Variants in SLC46A1 observed in about 807,000 individuals in gnomAD.
SLC46A1 encodes solute carrier family 46 member 1, also known as proton-coupled folate transporter.
SLC46A1 carries 17 observed loss-of-function variants against 32.1 expected under a neutral mutation model. The ratio of observed to expected loss-of-function variants is 0.53; its 90% confidence interval spans 0.36 to 0.79. The LOEUF (loss-of-function observed/expected upper bound fraction) is 0.79. Ranked by LOEUF, SLC46A1 falls within the 30% of genes least tolerant of loss-of-function variation. SLC46A1 has a pLI of 0.00. For synonymous variants in SLC46A1, 240 were observed against 262.7 expected (o/e 0.91, Z 0.84); for missense variants, 517 against 588.2 (o/e 0.88, Z 1.25).
Position 28,405,353 on chromosome 17 carries a change from G to A in SLC46A1, c.344C>T (p.Pro115Leu), listed in dbSNP as rs976094600. 4.4e-6 allele frequency: 7 copies of A among 1,586,852 alleles called. No homozygotes were observed. The highest frequency in any genetic ancestry group is 3.6e-5 in the Admixed American group (2 of 55,608). ...GCCCAGCGAGGCCAGCACTAGCAGC[G>A]GGCGGCGGCCCACACTGTCGCTCCA... ...GAWSDSVGRR[P>L]LLVLASLGLL... Residue 115 changes from proline (P) to leucine (L), a missense_variant, in exon 2 of 5, where the codon CCG (proline) becomes CTG (leucine). Physicochemically the swap from Pro to Leu is moderately conservative, Grantham distance 98. Coordinates refer to ENST00000612814, the MANE Select transcript of SLC46A1 (RefSeq NM_080669.6).
chr17:28,396,888 G>A lies in SLC46A1; in HGVS notation c.*2768C>T, dbSNP rs536990699. 2 of 152,616 alleles carry A rather than the reference G, an allele frequency of 1.3e-5. No homozygotes were observed. Among genetic ancestry groups the A allele is most frequent in the South Asian group, 4.1e-4 (2 of 4,838 alleles). 9.5% of individuals were successfully genotyped at this position (152,616 alleles called of 1,614,324 possible). On this transcript the variant is annotated 3_prime_UTR_variant, in exon 5 of 5. Coordinates refer to ENST00000612814, the MANE Select transcript of SLC46A1 (RefSeq NM_080669.6). The stretch of plus-strand genomic sequence containing the variant: ...ATCCCCTACAGCTTCCTTCGGTGTG[G>A]TATCTTTTGCCACATCCAGGGCGAG...
At chr17:28,404,521 C>T in intron 2 of SLC46A1, 95 bp downstream of exon 2, 28 of 1,492,850 alleles carry the variant, frequency 1.9e-5, no homozygotes, top group Non-Finnish European at 2.6e-5. Flanking sequence ...TCCAAAGACA[C>T]AGGAATGAAC....
Position 28,396,395 on chromosome 17 carries a change from T to A in SLC46A1, c.*3261A>T, listed in dbSNP as rs2068124246. The A allele has an allele frequency of 2.2e-6, 3 of 1,351,034 alleles. No homozygotes were observed. Among genetic ancestry groups the A allele is most frequent in the Admixed American group, 3.7e-5 (2 of 53,738 alleles). 83.7% of individuals were successfully genotyped at this position (1,351,034 alleles called of 1,614,324 possible). A position where few individuals can be genotyped will look rare whatever the true frequency, so the allele number is the denominator to read the frequency against. ...GGGCTGAGACAACCTGGGCTCTTCT[T>A]AGGAAATGGCTCTCCCTCCCCCTGT... On this transcript the variant is annotated 3_prime_UTR_variant, in exon 5 of 5. Transcript: ENST00000612814.
At chr17:28,401,022 C>T (rs190939546) in intron 3 of SLC46A1, 2 of 441,602 alleles carry the variant, frequency 4.5e-6, no homozygotes, top group Non-Finnish European at 7.8e-6. Context: ...TCTGACAGAA[C>T]CCAGCACATA....
Position 28,399,645 on chromosome 17 carries a change from G to A in SLC46A1, c.*11C>T, listed in dbSNP as rs782615925. On this transcript the variant is annotated 3_prime_UTR_variant, in exon 5 of 5. Transcript: ENST00000612814. The stretch of plus-strand genomic sequence containing the variant: ...TGCTCCTCTTGCCCTCTGTCTTCTG[G>A]TCCAGGCAGATCAGGGGCTCTGGGG... 1.6e-5 allele frequency: 26 copies of A among 1,613,938 alleles called. No homozygotes were observed. In the East Asian group the frequency reaches 4.9e-4, roughly 30 times the overall value.
chr17:28,396,314 T>G lies in SLC46A1; in HGVS notation c.*3342A>C. On this transcript the variant is annotated 3_prime_UTR_variant, in exon 5 of 5. Transcript: ENST00000612814. ...AGTCCCCAGTTCCCCAGCCCTGCTG[T>G]GACTTCCATTTCCATCGTCCTTTCT... 2 of 1,612,050 alleles carry G rather than the reference T, an allele frequency of 1.2e-6. No individual in the cohort carries two copies. Among genetic ancestry groups the G allele is most frequent in the Non-Finnish European group, 1.7e-6 (2 of 1,178,648 alleles).
Position 28,405,283 on chromosome 17 carries a change from C to A in SLC46A1, c.414G>T (p.Gln138His). 1 of 1,587,490 alleles carries A rather than the reference C, an allele frequency of 6.3e-7. No individual in the cohort carries two copies. The change falls in exon 2 of 5, where the codon CAG (glutamine) becomes CAT (histidine). Residue 138 changes from glutamine to histidine, a missense_variant. Coordinates refer to ENST00000612814, the MANE Select transcript of SLC46A1 (RefSeq NM_080669.6). Reference sequence around the variant, plus strand: ...CCAGCACGAAGTAGCCGACGTGGAGCTGCAGCTGCACCACAAAAACGGACA... The same window carrying A: ...CCAGCACGAAGTAGCCGACGTGGAGATGCAGCTGCACCACAAAAACGGACA... ...ALVSVFVVQLQLHVGYFVLGR... is the reference protein window; with the variant it reads ...ALVSVFVVQLHLHVGYFVLGR...
chr17:28,396,597 G>A lies in SLC46A1; in HGVS notation c.*3059C>T. On this transcript the variant is annotated 3_prime_UTR_variant, in exon 5 of 5. Coordinates refer to ENST00000612814, the MANE Select transcript of SLC46A1 (RefSeq NM_080669.6). ...GAGACACTGGAGTTGGGGTGGGGGT[G>A]GTTCTGCATTCCCTTCTCCTGCTGA... 2.9e-6 allele frequency: 1 copy of A among 349,234 alleles called. No homozygotes were observed. The highest frequency in any genetic ancestry group is 5.3e-6 in the Non-Finnish European group (1 of 188,314). The allele number at this position is 349,234 out of a possible 1,614,324, so 21.6% of individuals were successfully genotyped here. A position where few individuals can be genotyped will look rare whatever the true frequency, so the allele number is the denominator to read the frequency against.
Position 28,395,944 on chromosome 17 carries a change from C to T in SLC46A1, c.*3712G>A, listed in dbSNP as rs776939252. ...TTTAAGCTGCGGCAAGAACATTGTGCCCATCATTGATGGCTTCGAGTGGCC... is the reference window on the plus strand; with the variant it reads ...TTTAAGCTGCGGCAAGAACATTGTGTCCATCATTGATGGCTTCGAGTGGCC... On this transcript the variant is annotated 3_prime_UTR_variant, in exon 5 of 5. Coordinates refer to ENST00000612814, the MANE Select transcript of SLC46A1 (RefSeq NM_080669.6). 2.1e-5 allele frequency: 34 copies of T among 1,613,842 alleles called. No individual in the cohort carries two copies. Among genetic ancestry groups the T allele is most frequent in the Non-Finnish European group, 2.4e-5 (28 of 1,179,874 alleles).
intron 3 of SLC46A1, 92 bp downstream of exon 3, chr17:28,402,146 G>T: frequency 9.1e-7 from 1 of 1,097,464 alleles, no homozygotes; most frequent in Non-Finnish European, 1.3e-6. Flanking sequence ...AGGGGGGAAG[G>T]CAAGCTGTTC....
At chr17:28,404,106 T>C in intron 2 of SLC46A1, 1 of 156,302 alleles carries the variant, frequency 6.4e-6, no homozygotes, top group Admixed American at 6.3e-5. Flanking sequence ...GGGGAGGAAG[T>C]GAGGAGGGAA....
chr17:28,396,547 T>C lies in SLC46A1; in HGVS notation c.*3109A>G. The C allele has an allele frequency of 1.9e-6, 1 of 524,870 alleles. No homozygotes were observed. 32.5% of individuals were successfully genotyped at this position (524,870 alleles called of 1,614,324 possible). ...GCCATTGGGTTGTCTGTCTCCGTCA[T>C]GGGGAGGGTCCCTGCTCAGTTCTGG... On this transcript the variant is annotated 3_prime_UTR_variant, in exon 5 of 5. Transcript: ENST00000612814.
At position 28,396,217 on chromosome 17, in the gene SLC46A1, C is replaced by T. The variant is rs562444110; in HGVS notation, c.*3439G>A. On this transcript the variant is annotated 3_prime_UTR_variant, in exon 5 of 5. Coordinates refer to ENST00000612814, the MANE Select transcript of SLC46A1 (RefSeq NM_080669.6). ...AGATCATCCGCTTCCTGCAGGGCCG[C>T]TCCTCCCGGGACTCATCTGCAGGCT... 10 of 1,614,026 alleles carry T rather than the reference C, an allele frequency of 6.2e-6. No homozygotes were observed. The East Asian group carries it at 1.1e-4, about 18-fold the overall frequency.
At chr17:28,400,445 C>T in intron 4 of SLC46A1, 165 bp downstream of exon 4, 2 of 851,018 alleles carry the variant, frequency 2.4e-6, no homozygotes, top group South Asian at 3.6e-5. Context: ...AAAATGGCTC[C>T]TGGAGGATTA....
Position 28,406,071 on chromosome 17 carries a change from G to A in SLC46A1, c.44C>T (p.Pro15Leu), listed in dbSNP as rs782719362. The A allele has an allele frequency of 2.4e-5, 38 of 1,588,656 alleles. No homozygotes were observed. The highest frequency in any genetic ancestry group is 1.1e-4 in the African/African-American group (8 of 73,696). The part of the protein sequence containing the change: ...ASPPEKPRAR[P>L]AAAVLCRGPV... ...GCCCCGGCACAGCACGGCAGCCGCA[G>A]GGCGGGCGCGGGGCTTTTCCGGGGG... Residue 15 changes from proline (P) to leucine (L), a missense_variant, in exon 1 of 5, where the codon CCT (proline) becomes CTT (leucine). Pro to Leu is a moderately conservative substitution (Grantham distance 98). Transcript: ENST00000612814. The surrounding 1 kb of genome is among the most constrained non-coding windows in gnomAD (Gnocchi z 4.5).
At chr17:28,404,583 G>T in intron 2 of SLC46A1, 33 bp downstream of exon 2, 1 of 1,609,100 alleles carries the variant, frequency 6.2e-7, no homozygotes, top group South Asian at 1.1e-5. Flanking sequence ...CAGTGCCTCT[G>T]GGACAAGCTG....
rs1304934966 is a variant in SLC46A1 at position 28,396,266 on chromosome 17, G to A, written c.*3390C>T. 1 of 1,613,854 alleles carries A rather than the reference G, an allele frequency of 6.2e-7. No homozygotes were observed. The highest frequency in any genetic ancestry group is 2.2e-5 in the East Asian group (1 of 44,888). On this transcript the variant is annotated 3_prime_UTR_variant, in exon 5 of 5. Transcript: ENST00000612814. ...CTCTGACACCAGTTTGGAGGGTGCT[G>A]CACCCATGGGTCCAACCTAACCAGT...
chr17:28,396,200 C>T lies in SLC46A1; in HGVS notation c.*3456G>A, dbSNP rs372946020. On this transcript the variant is annotated 3_prime_UTR_variant, in exon 5 of 5. Coordinates refer to ENST00000612814, the MANE Select transcript of SLC46A1 (RefSeq NM_080669.6). ...GGAGGCCACCATTGAGAAGATCATC[C>T]GCTTCCTGCAGGGCCGCTCCTCCCG... 69 of 1,613,872 alleles carry T rather than the reference C, an allele frequency of 4.3e-5. No individual in the cohort carries two copies. Among genetic ancestry groups the T allele is most frequent in the Admixed American group, 1.5e-4 (9 of 60,014 alleles).
chr17:28,403,634 G>C (rs2142462107), intron 2 of SLC46A1: 1 of 152,090 alleles, frequency 6.6e-6, no homozygotes, highest in Admixed American at 6.5e-5. Context: ...ACAAGCAGTT[G>C]AGTTAAGAAA....
Sources: gnomAD v4.1 joint callset for allele counts on GRCh38, gnomAD v4.1.1 for gene constraint, Gnocchi (gnomAD v3.1) non-coding constraint, MANE v1.5 for transcripts, NCBI Gene and HGNC (gene_info 2026-07-23, HGNC 2026-07-21) for gene names.